The following DRAM1 variants were observed in gnomAD, a reference collection of about 807,000 sequenced individuals.
DRAM1 encodes DNA damage regulated autophagy modulator 1.
In DRAM1, 25 loss-of-function variants were observed where a neutral mutation model predicts 28.5. The ratio of observed to expected loss-of-function variants is 0.88; its 90% confidence interval spans 0.64 to 1.23. The LOEUF (loss-of-function observed/expected upper bound fraction) is 1.23, where lower values mean the gene tolerates loss of function less well. Among genes scored for constraint, DRAM1 ranks in the 50% most tolerant of loss-of-function variants. The probability of loss-of-function intolerance (pLI) is 0.00; values close to 1 mark genes in which losing one functional copy is unlikely to be tolerated. For missense variants in DRAM1, 249 were observed against 299.2 expected (o/e 0.83, Z 1.24); for synonymous variants, 113 against 114.2 (o/e 0.99, Z 0.07).
intron 1 of DRAM1, among the ~76,000 whole-genome samples, chr12:101,896,256 GCA>G (rs1278313793): frequency 1.3e-5 from 2 of 152,146 alleles, no homozygotes; most frequent in African/African-American, 4.8e-5. Flanking sequence ...CCTGTTTTCT[GCA>G]CACACAGGCT....
chr12:101,915,214 C>T (rs1235129275), intron 5 of DRAM1, among the ~76,000 whole-genome samples: 3 of 150,950 alleles, frequency 2.0e-5, no homozygotes, highest in Admixed American at 6.6e-5. Flanking sequence ...CTCCTGACCT[C>T]GTGATCTGCC....
At chr12:101,904,048 G>A (rs7299649) in intron 3 of DRAM1, among the ~76,000 whole-genome samples, 10,032 of 152,082 alleles carry the variant, frequency 0.066, 797 homozygotes, top group African/African-American at 0.19. Context: ...GTGCAGTGGC[G>A]CGATCTTGGC....
chr12:101,897,208 T>G (rs1253601866), intron 1 of DRAM1, among the ~76,000 whole-genome samples: 1 of 29,690 alleles, frequency 3.4e-5, no homozygotes, highest in South Asian at 1.2e-3. Flanking sequence ...TTTATTTTTA[T>G]TTTTTTTTTG....
chr12:101,920,041 T>G, intron 5 of DRAM1, 68 bp from the exon 6 acceptor site: 1 of 1,131,362 alleles, frequency 8.8e-7, no homozygotes, highest in Non-Finnish European at 1.3e-6. Flanking sequence ...AACTCCTCAT[T>G]GTATTTCAGT....
chr12:101,911,903 A>C (rs1039669334), intron 4 of DRAM1, among the ~76,000 whole-genome samples: 1 of 152,164 alleles, frequency 6.6e-6, no homozygotes, highest in Admixed American at 6.6e-5. Context: ...GTTAGATAAG[A>C]TATATTATTA....
chr12:101,918,895 CAG>C (rs913109483), intron 5 of DRAM1, among the ~76,000 whole-genome samples: 1 of 152,014 alleles, frequency 6.6e-6, no homozygotes, highest in Non-Finnish European at 1.5e-5. Context: ...ATATTTGACT[CAG>C]AGTTTTATTT....
At chr12:101,881,422 A>G (rs1023851671) in intron 1 of DRAM1, among the ~76,000 whole-genome samples, 3 of 151,966 alleles carry the variant, frequency 2.0e-5, no homozygotes, top group Admixed American at 6.6e-5. Context: ...CTCGAACTCC[A>G]TGGCTCAAGC....
rs560924837 is a variant in DRAM1, at chr12:101,878,900, G to T, written c.131+980G>T. Among the ~76,000 whole-genome samples the T allele has an allele frequency of 4.9e-4, 74 of 150,968 alleles. 1 individual carries two copies. The highest frequency in any genetic ancestry group is 1.8e-3 in the African/African-American group (74 of 41,412). On this transcript the variant is annotated intron_variant, in intron 1 of 6. Coordinates refer to ENST00000258534, the MANE Select transcript of DRAM1 (RefSeq NM_018370.3). ...AGCAATGTTCTGTGTTTTTTTGTTT[G>T]TTTGTTTGTTTTTTTCCTTTTTTTG...
At position 101,877,773 on chromosome 12, in the gene DRAM1, G is replaced by T. The variant is rs559063018; in HGVS notation, c.-17G>T. ...CCCCGCTGGGCGCAGCACTCCGTCG[G>T]CGGCGGCGGCGGCGCGATGCTGTGC... On this transcript the variant is annotated 5_prime_UTR_variant, in exon 1 of 7. Coordinates refer to ENST00000258534, the MANE Select transcript of DRAM1 (RefSeq NM_018370.3). The surrounding 1 kb of genome is among the most constrained non-coding windows in gnomAD (Gnocchi z 4.1). The T allele has an allele frequency of 2.5e-5, 37 of 1,453,074 alleles. 2 individuals are homozygous for T. In the South Asian group the frequency reaches 3.6e-4, roughly 14 times the overall value. The allele number at this position is 1,453,074 out of a possible 1,614,324, so 90.0% of individuals were successfully genotyped here. A position where few individuals can be genotyped will look rare whatever the true frequency, so the allele number is the denominator to read the frequency against.
intron 1 of DRAM1, among the ~76,000 whole-genome samples, chr12:101,893,801 T>C (rs1222306396): frequency 6.6e-6 from 1 of 151,832 alleles, no homozygotes; most frequent in Non-Finnish European, 1.5e-5. Flanking sequence ...AGTACTGATA[T>C]TCATTCAATG....
At chr12:101,896,786 CTT>C (rs1873389659) in intron 1 of DRAM1, among the ~76,000 whole-genome samples, 1 of 151,400 alleles carries the variant, frequency 6.6e-6, no homozygotes, top group South Asian at 2.1e-4. Context: ...GTTCAGTTTT[CTT>C]TTTCTTTTTT....
At chr12:101,890,513 A>G (rs1305363304) in intron 1 of DRAM1, among the ~76,000 whole-genome samples, 1 of 152,266 alleles carries the variant, frequency 6.6e-6, no homozygotes, top group African/African-American at 2.4e-5. Context: ...CACTCTGGAC[A>G]AACTGCTAAA....
At chr12:101,917,773 G>A (rs1446027035) in intron 5 of DRAM1, among the ~76,000 whole-genome samples, 3 of 134,328 alleles carry the variant, frequency 2.2e-5, no homozygotes, top group Admixed American at 2.2e-4. Context: ...CTAGGCAAAA[G>A]GCAGGTTTTT....
At chr12:101,902,457 A>T (rs770573208) in intron 3 of DRAM1, among the ~76,000 whole-genome samples, 3 of 152,214 alleles carry the variant, frequency 2.0e-5, no homozygotes, top group African/African-American at 4.8e-5. Context: ...CAAGTACACG[A>T]TGCATAGTTC....
chr12:101,907,476 C>T (rs7312944), intron 3 of DRAM1, among the ~76,000 whole-genome samples: 10,049 of 152,044 alleles, frequency 0.066, 801 homozygotes, highest in African/African-American at 0.19. Flanking sequence ...TGCGGTGGCT[C>T]ACGCCTGTAA....
At chr12:101,910,475 GA>G (rs1873996937) in intron 4 of DRAM1, among the ~76,000 whole-genome samples, 1 of 149,254 alleles carries the variant, frequency 6.7e-6, no homozygotes, top group Admixed American at 6.7e-5. Flanking sequence ...CTCATTTCTA[GA>G]AAGTTTTTTT....
intron 3 of DRAM1, among the ~76,000 whole-genome samples, chr12:101,904,881 C>T (rs894436537): frequency 2.0e-5 from 3 of 152,054 alleles, no homozygotes; most frequent in African/African-American, 7.2e-5. Flanking sequence ...CTGATCTAAA[C>T]ATCATTTCCC....
intron 2 of DRAM1, 49 bp from the exon 3 acceptor site, chr12:101,901,242 C>G: frequency 6.3e-7 from 1 of 1,584,804 alleles, no homozygotes; most frequent in South Asian, 1.2e-5. Context: ...GTTTTTCATC[C>G]TAAAGACATC....
intron 1 of DRAM1, among the ~76,000 whole-genome samples, chr12:101,894,527 C>T (rs1159986438): frequency 6.6e-6 from 1 of 152,204 alleles, no homozygotes; most frequent in Non-Finnish European, 1.5e-5. Flanking sequence ...GCTGGGATTA[C>T]AGGTGTGAGC....
Sources: allele counts gnomAD v4.1 joint callset (sites outside exome capture counted in the v4.1 genomes callset), GRCh38; gene constraint gnomAD v4.1.1; non-coding constraint Gnocchi (gnomAD v3.1); transcripts MANE v1.5; gene names NCBI Gene and HGNC (gene_info 2026-07-23, HGNC 2026-07-21).